RAB7A: variants seen among roughly 807,000 people sequenced by gnomAD.
RAB7A encodes the protein ras-related protein Rab-7a.
Under a neutral mutation model 24.5 loss-of-function variants are expected in RAB7A, and 2 were observed. That is an observed-to-expected ratio of 0.08 (90% CI 0.03 to 0.26). RAB7A has a LOEUF of 0.26. RAB7A is among the 10% of genes least tolerant of loss of function. The pLI, the probability that RAB7A is intolerant of heterozygous loss-of-function variation, is 1.00. For missense variants in RAB7A, 118 were observed against 255.7 expected (o/e 0.46, Z 3.67); for synonymous variants, 100 against 95.9 (o/e 1.04, Z -0.25).
chr3:128,735,923 C>T (rs77303548), intron 1 of RAB7A, among the ~76,000 whole-genome samples: 8,120 of 152,232 alleles, frequency 0.053, 228 homozygotes, highest in Non-Finnish European at 0.058. Flanking sequence ...TACCTGGGTT[C>T]AGAAAGCTTG....
chr3:128,801,356 CTTATT>C (rs944466888), intron 3 of RAB7A, among the ~76,000 whole-genome samples: 2 of 66,336 alleles, frequency 3.0e-5, no homozygotes, highest in African/African-American at 6.2e-5. Context: ...CTAAGAGGAT[CTTATT>C]TTAAGTGTTC....
chr3:128,813,585 T>TCACACACACACACACACGCACACACACA lies in RAB7A; in HGVS notation c.*170_*197dup. On this transcript the variant is annotated 3_prime_UTR_variant, in exon 6 of 6. Coordinates refer to ENST00000265062, the MANE Select transcript of RAB7A (RefSeq NM_004637.6). Reference sequence around the variant, plus strand: ...AACACAGTTACACCCCACATATCTCTCACACACACACACACACGCACACAC... The same window carrying TCACACACACACACACACGCACACACACA: ...AACACAGTTACACCCCACATATCTCTCACACACACACACACACGCACACACACACACACACACACACACACGCACACAC... 1.6e-6 allele frequency: 1 copy of TCACACACACACACACACGCACACACACA among 630,172 alleles called. No homozygotes were observed. Among genetic ancestry groups the TCACACACACACACACACGCACACACACA allele is most frequent in the Non-Finnish European group, 2.9e-6 (1 of 341,540 alleles). 39.0% of individuals were successfully genotyped at this position (630,172 alleles called of 1,614,324 possible).
intron 1 of RAB7A, among the ~76,000 whole-genome samples, chr3:128,790,705 C>A (rs1446393340): frequency 2.0e-5 from 3 of 152,120 alleles, no homozygotes; most frequent in African/African-American, 7.2e-5. Context: ...GTGTCTGTTT[C>A]ATTGATCGGT....
intron 1 of RAB7A, among the ~76,000 whole-genome samples, chr3:128,754,604 T>C (rs1479085140): frequency 6.6e-6 from 1 of 152,092 alleles, no homozygotes; most frequent in Non-Finnish European, 1.5e-5. Context: ...AACCCTGCAG[T>C]CCAAAGACAG....
chr3:128,729,798 A>G (rs540320876), intron 1 of RAB7A, among the ~76,000 whole-genome samples: 4 of 152,276 alleles, frequency 2.6e-5, no homozygotes, highest in Admixed American at 1.3e-4. Context: ...GCTGAGATAG[A>G]TTTGACCAGA....
intron 2 of RAB7A, 67 bp downstream of exon 2, chr3:128,795,487 C>T: frequency 7.0e-7 from 1 of 1,423,880 alleles, no homozygotes; most frequent in African/African-American, 1.4e-5. Context: ...GTGGAGCCCA[C>T]ACTGTCCGTG....
intron 1 of RAB7A, among the ~76,000 whole-genome samples, chr3:128,754,262 G>A (rs1253300900): frequency 6.6e-6 from 1 of 152,082 alleles, no homozygotes; most frequent in Admixed American, 6.6e-5. Flanking sequence ...TAGTTTTGTG[G>A]CATTAATGGC....
chr3:128,734,166 A>G (rs2070467018), intron 1 of RAB7A, among the ~76,000 whole-genome samples: 1 of 152,142 alleles, frequency 6.6e-6, no homozygotes, highest in African/African-American at 2.4e-5. Context: ...ACAGTGGCTC[A>G]TGCCTGTAAT....
At chr3:128,733,651 G>C (rs976641373) in intron 1 of RAB7A, among the ~76,000 whole-genome samples, 3 of 152,124 alleles carry the variant, frequency 2.0e-5, no homozygotes, top group African/African-American at 7.2e-5. Context: ...TCTTTCCTCT[G>C]TATTGGCTGT....
At chr3:128,801,794 C>T (rs1005056295) in intron 3 of RAB7A, among the ~76,000 whole-genome samples, 1 of 151,978 alleles carries the variant, frequency 6.6e-6, no homozygotes, top group African/African-American at 2.4e-5. Flanking sequence ...ATTGGTGTGG[C>T]ACCAATCCAC....
At chr3:128,759,829 G>A (rs2070763158) in intron 1 of RAB7A, among the ~76,000 whole-genome samples, 1 of 151,976 alleles carries the variant, frequency 6.6e-6, no homozygotes, top group Non-Finnish European at 1.5e-5. Context: ...TCCTGTCTCA[G>A]CCTCCCAAGT....
chr3:128,773,675 C>T (rs537724038), intron 1 of RAB7A, among the ~76,000 whole-genome samples: 6 of 152,300 alleles, frequency 3.9e-5, no homozygotes, highest in South Asian at 4.1e-4. Flanking sequence ...GAAAAGATAG[C>T]GAAATCAGAT....
chr3:128,767,824 CAGAT>C (rs1339413808), intron 1 of RAB7A, among the ~76,000 whole-genome samples: 2 of 152,194 alleles, frequency 1.3e-5, no homozygotes, highest in Non-Finnish European at 2.9e-5. Flanking sequence ...GTCATCCCCT[CAGAT>C]AGATATCTGC....
intron 1 of RAB7A, among the ~76,000 whole-genome samples, chr3:128,758,274 G>GTTTTTTTTTT (rs35360318): frequency 1.6e-5 from 2 of 126,728 alleles, no homozygotes; most frequent in African/African-American, 5.9e-5. Flanking sequence ...TTGTTTTTTT[G>GTTTTTTTTTT]TTTTTTTTTT....
intron 1 of RAB7A, among the ~76,000 whole-genome samples, chr3:128,742,939 C>G (rs557155594): frequency 3.9e-4 from 59 of 152,346 alleles, no homozygotes; most frequent in African/African-American, 1.4e-3. Flanking sequence ...CTCCTCAGCC[C>G]TTGGGCTGCC....
chr3:128,772,880 GT>G (rs1932988052), intron 1 of RAB7A, among the ~76,000 whole-genome samples: 1 of 152,220 alleles, frequency 6.6e-6, no homozygotes, highest in Admixed American at 6.5e-5. Flanking sequence ...ACGGAGTCTC[GT>G]TCACTCAGTG....
chr3:128,751,300 A>G (rs1230559801), intron 1 of RAB7A, among the ~76,000 whole-genome samples: 1 of 152,194 alleles, frequency 6.6e-6, no homozygotes, highest in Admixed American at 6.5e-5. Flanking sequence ...TGGAAAAGCT[A>G]CAGATACTCA....
intron 3 of RAB7A, chr3:128,798,903 A>C (rs1229029600): frequency 3.3e-6 from 1 of 307,072 alleles, no homozygotes; most frequent in African/African-American, 2.3e-5. Flanking sequence ...CCATGATGCC[A>C]GCTGAGGTTG....
chr3:128,767,651 C>T (rs537650328), intron 1 of RAB7A, among the ~76,000 whole-genome samples: 5 of 152,218 alleles, frequency 3.3e-5, no homozygotes, highest in East Asian at 3.9e-4. Flanking sequence ...GAAGGACAGA[C>T]GGGGTGAGTG....
Sources: gnomAD v4.1 joint callset for allele counts (sites outside exome capture counted in the v4.1 genomes callset) on GRCh38, gnomAD v4.1.1 for gene constraint, MANE v1.5 for transcripts, NCBI Gene and HGNC (gene_info 2026-07-23, HGNC 2026-07-21) for gene names.